Variants in TOM1L2 observed in about 807,000 individuals in gnomAD.
TOM1L2 encodes target of myb1 like 2 membrane trafficking protein.
TOM1L2 carries 31 observed loss-of-function variants against 67.9 expected under a neutral mutation model. That is an observed-to-expected ratio of 0.46 (90% CI 0.34 to 0.62). The LOEUF (loss-of-function observed/expected upper bound fraction) is 0.62. Ranked by LOEUF, TOM1L2 falls within the 20% of genes least tolerant of loss-of-function variation. The pLI is 0.01. For missense variants in TOM1L2, 606 were observed against 663.5 expected (o/e 0.91, Z 0.95); for synonymous variants, 256 against 254.0 (o/e 1.01, Z -0.07).
chr17:17,952,923 A>G (rs775313323), intron 1 of TOM1L2, among the ~76,000 whole-genome samples: 1 of 152,138 alleles, frequency 6.6e-6, no homozygotes, highest in Non-Finnish European at 1.5e-5. Flanking sequence ...CTGACAGAAC[A>G]GGAAGGTTGA....
At chr17:17,854,218 C>G (rs2036144895) in intron 12 of TOM1L2, among the ~76,000 whole-genome samples, 1 of 152,190 alleles carries the variant, frequency 6.6e-6, no homozygotes, top group South Asian at 2.1e-4. Context: ...TGCTATCAGA[C>G]TCAGACTAAA....
intron 4 of TOM1L2, among the ~76,000 whole-genome samples, chr17:17,889,189 TG>T (rs1400570278): frequency 6.6e-6 from 1 of 152,030 alleles, no homozygotes; most frequent in Non-Finnish European, 1.5e-5. Flanking sequence ...TACGGATGGC[TG>T]GAGGGCAGCC....
At chr17:17,918,470 C>T (rs984355936) in intron 1 of TOM1L2, among the ~76,000 whole-genome samples, 5 of 152,104 alleles carry the variant, frequency 3.3e-5, no homozygotes, top group Admixed American at 3.3e-4. Flanking sequence ...CACAGTCATA[C>T]ACCATGAGAG....
chr17:17,915,839 A>G (rs892665958), intron 1 of TOM1L2, among the ~76,000 whole-genome samples: 1 of 112,854 alleles, frequency 8.9e-6, no homozygotes, highest in South Asian at 3.8e-4. Context: ...TAAACTGAGT[A>G]GGTTTTTTTT....
chr17:17,901,863 C>G (rs2038872268), intron 2 of TOM1L2, among the ~76,000 whole-genome samples: 1 of 152,138 alleles, frequency 6.6e-6, no homozygotes, highest in Non-Finnish European at 1.5e-5. Flanking sequence ...TTGTGTAGGT[C>G]TGAGGTGAGG....
At chr17:17,949,423 T>C (rs554921051) in intron 1 of TOM1L2, among the ~76,000 whole-genome samples, 3 of 152,194 alleles carry the variant, frequency 2.0e-5, no homozygotes, top group Non-Finnish European at 4.4e-5. Context: ...GGAGAATAAA[T>C]GTTACAAAGT....
At chr17:17,872,407 A>C (rs1168079083) in intron 7 of TOM1L2, among the ~76,000 whole-genome samples, 2 of 152,242 alleles carry the variant, frequency 1.3e-5, no homozygotes, top group Non-Finnish European at 2.9e-5. Flanking sequence ...ATTTAGGTTA[A>C]CTTTGACAGA....
At chr17:17,884,537 T>C in intron 5 of TOM1L2, 97 bp downstream of exon 5, 2 of 1,536,854 alleles carry the variant, frequency 1.3e-6, no homozygotes, top group African/African-American at 1.4e-5. Context: ...GATGACAAGC[T>C]GAATAATTCA....
At chr17:17,851,155 G>A in intron 12 of TOM1L2, 4 of 587,038 alleles carry the variant, frequency 6.8e-6, no homozygotes, top group South Asian at 2.0e-5. Context: ...GCAATGAGGT[G>A]CAAATGATAA....
chr17:17,864,212 A>T (rs1172758116), intron 10 of TOM1L2, among the ~76,000 whole-genome samples: 3 of 137,608 alleles, frequency 2.2e-5, no homozygotes, highest in Non-Finnish European at 4.6e-5. Context: ...ATCCAATTTG[A>T]TTTTTTTTTT....
chr17:17,938,770 T>TG lies in TOM1L2; in HGVS notation c.53-31240_53-31239insC, dbSNP rs529651113. Among the ~76,000 whole-genome samples the TG allele has an allele frequency of 5.3e-5, 8 of 151,710 alleles. 1 individual carries two copies. In the East Asian group the frequency reaches 5.8e-4, roughly 11 times the overall value. On this transcript the variant is annotated intron_variant, in intron 1 of 14. Transcript: ENST00000379504. ...CATGAGGCAAAGGTTGAAAGGGTTT[T>TG]TTTTTTTTTTTAATATTTTGTAAAG...
At chr17:17,927,843 G>A (rs1203974424) in intron 1 of TOM1L2, among the ~76,000 whole-genome samples, 1 of 151,820 alleles carries the variant, frequency 6.6e-6, no homozygotes. Context: ...TTTTGTATTC[G>A]TGGTACAGCC....
chr17:17,924,883 C>T (rs1259402362), intron 1 of TOM1L2, among the ~76,000 whole-genome samples: 2 of 151,980 alleles, frequency 1.3e-5, no homozygotes, highest in Non-Finnish European at 2.9e-5. Context: ...GATATTTGTC[C>T]CCACCCAAAT....
At chr17:17,890,539 A>G (rs1222925598) in intron 4 of TOM1L2, among the ~76,000 whole-genome samples, 1 of 152,232 alleles carries the variant, frequency 6.6e-6, no homozygotes, top group Admixed American at 6.5e-5. Context: ...GGAGGGGTAA[A>G]TAAACTGTAG....
intron 9 of TOM1L2, among the ~76,000 whole-genome samples, 198 bp downstream of exon 9, chr17:17,866,678 A>G (rs1156771446): frequency 1.3e-5 from 2 of 152,132 alleles, no homozygotes; most frequent in African/African-American, 4.8e-5. Context: ...GGGAGATGCA[A>G]ACTTAGGGCT....
rs779234293 is a variant in TOM1L2, at chr17:17,847,796, C to T, written c.1376-13G>A. On this transcript the variant is annotated splice_polypyrimidine_tract_variant and intron_variant, in intron 14 of 14. Transcript: ENST00000379504. Reference sequence around the variant, plus strand: ...AATTTATCAAACTCTGCAATACAAACCAAGGCAAGGGTCAGGGTTGGTGAG... The same window carrying T: ...AATTTATCAAACTCTGCAATACAAATCAAGGCAAGGGTCAGGGTTGGTGAG... 2.5e-6 allele frequency: 4 copies of T among 1,613,862 alleles called. No homozygotes were observed. In the South Asian group the frequency reaches 4.4e-5, roughly 18 times the overall value.
rs995481868 is a variant in TOM1L2, at chr17:17,884,893, G to A, written c.367-125C>T. 5.5e-6 allele frequency: 7 copies of A among 1,270,478 alleles called. No individual in the cohort carries two copies. The Admixed American group carries it at 8.1e-5, about 15-fold the overall frequency. 78.7% of individuals were successfully genotyped at this position (1,270,478 alleles called of 1,614,324 possible). A position where few individuals can be genotyped will look rare whatever the true frequency, so the allele number is the denominator to read the frequency against. The stretch of plus-strand genomic sequence containing the variant: ...CCTACTTGCACATGCAAATTGCACT[G>A]GCTAAACCTATTCTGTTCCTCTCCT... On this transcript the variant is annotated intron_variant, in intron 4 of 14. Transcript: ENST00000379504.
chr17:17,866,372 C>A lies in TOM1L2; in HGVS notation c.1008G>T (p.Gly336=), dbSNP rs1232015123. Residue 336 remains glycine (G), a synonymous_variant, in exon 10 of 15, where the codon GGG becomes GGT. Transcript: ENST00000379504. ...TEDNLIDLGP[G]SPAVVSPMVG... is the part of the protein sequence containing the mutation. ...CCATTGGGCTCACCACGGCTGGAGA[C>A]CCTGGCCCCAGGTCTATTAAGTTGT... 6.2e-6 allele frequency: 10 copies of A among 1,609,122 alleles called. No individual in the cohort carries two copies. The highest frequency in any genetic ancestry group is 1.1e-5 in the South Asian group (1 of 89,910).
At chr17:17,871,053 GAATT>G (rs1191366722) in intron 7 of TOM1L2, among the ~76,000 whole-genome samples, 5 of 152,216 alleles carry the variant, frequency 3.3e-5, no homozygotes, top group African/African-American at 9.6e-5. Context: ...ACTTCTGAGA[GAATT>G]AATTAATGAC....
Sources: gnomAD v4.1 joint callset for allele counts (sites outside exome capture counted in the v4.1 genomes callset) on GRCh38, gnomAD v4.1.1 for gene constraint, MANE v1.5 for transcripts, NCBI Gene and HGNC (gene_info 2026-07-23, HGNC 2026-07-21) for gene names.